Variants in DLC1 observed in about 807,000 individuals in gnomAD.
The protein encoded by DLC1 is rho GTPase-activating protein 7.
DLC1 carries 54 observed loss-of-function variants against 140.3 expected under a neutral mutation model. The observed-to-expected ratio is 0.38, with a 90% confidence interval of 0.31 to 0.48. The LOEUF is 0.48. Among genes scored for constraint, DLC1 ranks in the 20% least tolerant of loss-of-function variants. The pLI, the probability that DLC1 is intolerant of heterozygous loss-of-function variation, is 0.96. For synonymous variants in DLC1, 986 were observed against 728.1 expected, an observed-to-expected ratio of 1.35 and a Z score of -5.70; for missense variants, 2,536 against 1,907.0, an observed-to-expected ratio of 1.33 and a Z score of -6.14.
At chr8:13,360,877 T>A (rs1327283076) in intron 4 of DLC1, among the ~76,000 whole-genome samples, 4 of 132,566 alleles carry the variant, frequency 3.0e-5, no homozygotes, top group African/African-American at 7.6e-5. Context: ...TTTATACACA[T>A]TATTTTTTTT....
chr8:13,386,442 C>G (rs906973710), intron 4 of DLC1, among the ~76,000 whole-genome samples: 1 of 151,936 alleles, frequency 6.6e-6, no homozygotes, highest in Non-Finnish European at 1.5e-5. Context: ...ACAAGTTATT[C>G]TCGACAGAAT....
intron 1 of DLC1, among the ~76,000 whole-genome samples, chr8:13,543,628 A>G (rs138942119): frequency 6.2e-4 from 95 of 152,316 alleles, no homozygotes; most frequent in African/African-American, 2.2e-3. Context: ...TGTGTTTTAT[A>G]TTTATATATA....
At chr8:13,519,646 G>A (rs941181301), upstream of DLC1, among the ~76,000 whole-genome samples, 1 of 152,112 alleles carries the variant, frequency 6.6e-6, no homozygotes, top group South Asian at 2.1e-4. Flanking sequence ...ATCAAAAGTA[G>A]CAAAATCATA....
intron 6 of DLC1, among the ~76,000 whole-genome samples, chr8:13,114,368 A>C (rs1312698218): frequency 2.6e-5 from 4 of 152,204 alleles, no homozygotes; most frequent in Non-Finnish European, 5.9e-5. Flanking sequence ...TCTCAAAACA[A>C]ATAAATAAAT....
intron 4 of DLC1, among the ~76,000 whole-genome samples, chr8:13,368,629 A>G (rs568712255): frequency 2.6e-5 from 4 of 152,180 alleles, no homozygotes; most frequent in Admixed American, 6.6e-5. Context: ...CCAAGTTGAC[A>G]TGCATCATTC....
intron 1 of DLC1, among the ~76,000 whole-genome samples, chr8:13,596,913 G>T (rs151110716): frequency 6.6e-6 from 1 of 151,918 alleles, no homozygotes; most frequent in South Asian, 2.1e-4. Context: ...AAATGCCTGC[G>T]GAGTGTGGAT....
chr8:13,188,182 C>A (rs1473155255), intron 5 of DLC1, among the ~76,000 whole-genome samples: 1 of 145,198 alleles, frequency 6.9e-6, no homozygotes, highest in Admixed American at 7.3e-5. Context: ...CTCCTGTGTT[C>A]AAGTGATTCC....
intron 5 of DLC1, among the ~76,000 whole-genome samples, chr8:13,142,105 C>G (rs898548196): frequency 2.6e-5 from 4 of 152,220 alleles, no homozygotes; most frequent in African/African-American, 9.6e-5. Flanking sequence ...ACAGTCGCTC[C>G]TGCCGCCTTG....
At chr8:13,196,596 A>G (rs1827074943) in intron 5 of DLC1, among the ~76,000 whole-genome samples, 2 of 152,172 alleles carry the variant, frequency 1.3e-5, no homozygotes, top group African/African-American at 4.8e-5. Flanking sequence ...TTTTTCACAG[A>G]TACTCCTTTT....
intron 4 of DLC1, among the ~76,000 whole-genome samples, chr8:13,361,978 C>G (rs1835247408): frequency 6.6e-6 from 1 of 152,126 alleles, no homozygotes; most frequent in Non-Finnish European, 1.5e-5. Flanking sequence ...GACAGAATTT[C>G]CCAAAACCAA....
At chr8:13,546,464 TA>T (rs1283868983) in intron 1 of DLC1, among the ~76,000 whole-genome samples, 4 of 152,154 alleles carry the variant, frequency 2.6e-5, no homozygotes, top group African/African-American at 9.6e-5. Context: ...AATTTTTCTT[TA>T]AAAAAGCACA....
rs977593504 is a variant in DLC1, at chr8:13,083,400, G to C, written c.*2411C>G. On this transcript the variant is annotated 3_prime_UTR_variant, in exon 18 of 18. Coordinates refer to ENST00000276297, the MANE Select transcript of DLC1 (RefSeq NM_182643.3). ...TAATAAATTTATTAGGTGCCTACAA[G>C]TACAAAATACTGAAAGCCGCTGCAG... 1 of 151,996 alleles carries C rather than the reference G, an allele frequency of 6.6e-6. No homozygotes were observed. The highest frequency in any genetic ancestry group is 1.5e-5 in the Non-Finnish European group (1 of 68,004). The allele number at this position is 151,996 out of a possible 1,614,324, so 9.4% of individuals were successfully genotyped here.
At chr8:13,301,815 C>T (rs891182281) in intron 5 of DLC1, among the ~76,000 whole-genome samples, 1 of 152,130 alleles carries the variant, frequency 6.6e-6, no homozygotes, top group Non-Finnish European at 1.5e-5. Context: ...GAAGCATGAA[C>T]CCTGTTGTGA....
chr8:13,588,795 A>C (rs1327814778), intron 1 of DLC1, among the ~76,000 whole-genome samples: 1 of 151,994 alleles, frequency 6.6e-6, no homozygotes, highest in Non-Finnish European at 1.5e-5. Context: ...AGACTAGGAG[A>C]AGCATAGGGG....
chr8:13,356,009 G>A (rs1834925699), intron 4 of DLC1, among the ~76,000 whole-genome samples: 1 of 127,988 alleles, frequency 7.8e-6, no homozygotes, highest in Non-Finnish European at 1.5e-5. Flanking sequence ...AGAATGGCAT[G>A]AACTCAGGAG....
intron 2 of DLC1, among the ~76,000 whole-genome samples, chr8:13,428,375 T>C (rs1175475456): frequency 6.6e-6 from 1 of 152,222 alleles, no homozygotes; most frequent in African/African-American, 2.4e-5. Context: ...AGAGGAATGT[T>C]TGAATAATCA....
At chr8:13,421,936 C>A (rs111270920) in intron 2 of DLC1, among the ~76,000 whole-genome samples, 1 of 152,066 alleles carries the variant, frequency 6.6e-6, no homozygotes, top group Non-Finnish European at 1.5e-5. Flanking sequence ...ATGAAAGGGA[C>A]CCATATGTTT....
chr8:13,393,403 G>C lies in DLC1; in HGVS notation c.1314+150C>G, dbSNP rs1836855987. The C allele has an allele frequency of 3.5e-6, 3 of 848,804 alleles. No homozygotes were observed. In the South Asian group the frequency reaches 8.0e-5, roughly 23 times the overall value. 52.6% of individuals were successfully genotyped at this position (848,804 alleles called of 1,614,324 possible). A position where few individuals can be genotyped will look rare whatever the true frequency, so the allele number is the denominator to read the frequency against. On this transcript the variant is annotated intron_variant, in intron 4 of 17. Transcript: ENST00000276297. ...TATAAAACAAAAAACATTTTTCTAG[G>C]GTTGTACTTAATTAAATAAATTAAA...
chr8:13,583,365 C>T (rs1403629893), intron 1 of DLC1, among the ~76,000 whole-genome samples: 6 of 152,100 alleles, frequency 3.9e-5, no homozygotes, highest in Admixed American at 6.5e-5. Context: ...CTCAAGAAGC[C>T]GCTTTCTTTG....
Sources: gnomAD v4.1 joint callset for allele counts (sites outside exome capture counted in the v4.1 genomes callset) on GRCh38, gnomAD v4.1.1 for gene constraint, MANE v1.5 for transcripts, NCBI Gene and HGNC (gene_info 2026-07-23, HGNC 2026-07-21) for gene names.